The following CDH9 variants were observed in gnomAD, a reference collection of about 807,000 sequenced individuals.
The protein encoded by CDH9 is cadherin 9.
CDH9 carries 28 observed loss-of-function variants against 70.9 expected under a neutral mutation model. The observed-to-expected ratio is 0.40, with a 90% CI of 0.29 to 0.54. CDH9 has a LOEUF of 0.54. Ranked by LOEUF, CDH9 falls within the 20% of genes least tolerant of loss-of-function variation. The probability of loss-of-function intolerance (pLI) is 0.59; values close to 1 mark genes in which losing one functional copy is unlikely to be tolerated. For missense variants in CDH9, 874 were observed against 984.4 expected (o/e 0.89, Z 1.50); for synonymous variants, 409 against 343.1 (o/e 1.19, Z -2.12).
chr5:26,956,849 T>A (rs1741954879), intron 2 of CDH9, among the ~76,000 whole-genome samples: 2 of 152,152 alleles, frequency 1.3e-5, no homozygotes, highest in Admixed American at 6.5e-5. Context: ...CTTTTCTCCA[T>A]AAAATCATCA....
chr5:26,910,267 CATTA>C (rs1741028816), intron 3 of CDH9, among the ~76,000 whole-genome samples: 1 of 150,828 alleles, frequency 6.6e-6, no homozygotes, highest in African/African-American at 2.4e-5. Context: ...ATCTATCTGG[CATTA>C]ATTATCTCTC....
At chr5:26,907,181 A>T (rs1740963799) in intron 3 of CDH9, among the ~76,000 whole-genome samples, 1 of 152,144 alleles carries the variant, frequency 6.6e-6, no homozygotes, top group Admixed American at 6.5e-5. Flanking sequence ...TTTGTAATTA[A>T]TACATTTACC....
intron 7 of CDH9, among the ~76,000 whole-genome samples, chr5:26,891,898 GAA>G (rs1272863895): frequency 6.6e-6 from 1 of 152,078 alleles, no homozygotes; most frequent in African/African-American, 2.4e-5. Context: ...ATCCAGCAAG[GAA>G]ACAGGGGCCT....
At chr5:27,017,382 A>C (rs760942843) in intron 1 of CDH9, among the ~76,000 whole-genome samples, 4 of 151,964 alleles carry the variant, frequency 2.6e-5, no homozygotes, top group Non-Finnish European at 5.9e-5. Context: ...TTTTTAAAAA[A>C]ATGTTCAAAG....
intron 5 of CDH9, among the ~76,000 whole-genome samples, chr5:26,905,480 G>A (rs1464024424): frequency 6.6e-6 from 1 of 152,070 alleles, no homozygotes; most frequent in African/African-American, 2.4e-5. Flanking sequence ...CTATCAAGAA[G>A]TCTGTGTTTC....
Position 26,889,932 on chromosome 5 carries a change from G to T in CDH9, c.1416C>A (p.Ile472=), listed in dbSNP as rs1740627203. Reference sequence around the variant, plus strand: ...TATCTAGAATTCTGATGAAGACAGGGATGTGGCTACTTTGTTTTGGGTTAT... The same window carrying T: ...TATCTAGAATTCTGATGAAGACAGGTATGTGGCTACTTTGTTTTGGGTTAT... The part of the protein sequence containing the change: ...EINNPKQSSH[I]PVFIRILDIN... The change falls in exon 9 of 12, where the codon ATC becomes ATA. Residue 472 remains isoleucine, a synonymous_variant. Transcript: ENST00000231021. 6.2e-7 allele frequency: 1 copy of T among 1,607,844 alleles called. No individual in the cohort carries two copies. The highest frequency in any genetic ancestry group is 2.2e-5 in the East Asian group (1 of 44,598).
chr5:26,977,306 G>A (rs1742317262), intron 2 of CDH9, among the ~76,000 whole-genome samples: 1 of 151,808 alleles, frequency 6.6e-6, no homozygotes, highest in East Asian at 1.9e-4. Flanking sequence ...TTCTAAAGGA[G>A]GACTACAGTT....
intron 2 of CDH9, among the ~76,000 whole-genome samples, chr5:26,920,728 C>A (rs1361377115): frequency 1.3e-5 from 2 of 152,124 alleles, no homozygotes; most frequent in Non-Finnish European, 2.9e-5. Context: ...TCTCCCAGAT[C>A]TCACTCAAGA....
chr5:26,963,509 T>C (rs1265689569), intron 2 of CDH9, among the ~76,000 whole-genome samples: 5 of 152,144 alleles, frequency 3.3e-5, no homozygotes, highest in Admixed American at 6.6e-5. Context: ...TTATAACTTA[T>C]TGAAAAGTTG....
chr5:27,020,289 T>C (rs1196283638), intron 1 of CDH9, among the ~76,000 whole-genome samples: 2 of 151,666 alleles, frequency 1.3e-5, no homozygotes, highest in Non-Finnish European at 1.5e-5. Context: ...AGCTTAAAAA[T>C]AAAAATGAAA....
chr5:27,031,016 A>C (rs1403317992), intron 1 of CDH9, among the ~76,000 whole-genome samples: 1 of 151,792 alleles, frequency 6.6e-6, no homozygotes, highest in Non-Finnish European at 1.5e-5. Flanking sequence ...TTGGTTACAA[A>C]TCTACTTTTT....
intron 1 of CDH9, among the ~76,000 whole-genome samples, chr5:27,004,965 T>TA (rs1742834749): frequency 6.6e-6 from 1 of 152,038 alleles, no homozygotes. Context: ...TCAGTATCAA[T>TA]GGAGAGCAAC....
chr5:26,898,353 C>A (rs930583188), intron 7 of CDH9, among the ~76,000 whole-genome samples: 3 of 152,036 alleles, frequency 2.0e-5, no homozygotes, highest in African/African-American at 2.4e-5. Flanking sequence ...CAAAAAAGAG[C>A]CCTTATAGCA....
At chr5:26,981,888 T>C (rs951751976) in intron 2 of CDH9, among the ~76,000 whole-genome samples, 2 of 152,104 alleles carry the variant, frequency 1.3e-5, no homozygotes, top group African/African-American at 4.8e-5. Context: ...TAAAATGATT[T>C]TTAAATTTTA....
In CDH9 at chr5:26,883,090, TATATAA is replaced by T. The variant is rs1347427200; in HGVS notation, c.1883-1473_1883-1468del. Among the ~76,000 whole-genome samples, 225 of 116,128 alleles carry T rather than the reference TATATAA, an allele frequency of 1.9e-3. 10 individuals carry two copies. The highest frequency in any genetic ancestry group is 7.2e-3 in the African/African-American group (212 of 29,246). 76.2% of individuals were successfully genotyped at this position (116,128 alleles called of 152,430 possible). The stretch of plus-strand genomic sequence containing the variant: ...ATATATATATATATATATATATATA[TATATAA>T]AACTGCAGTAAAAATGAGACCTCTG... On this transcript the variant is annotated intron_variant, in intron 11 of 11. Coordinates refer to ENST00000231021, the MANE Select transcript of CDH9 (RefSeq NM_016279.4).
At chr5:26,931,456 G>A (rs1741460598) in intron 2 of CDH9, among the ~76,000 whole-genome samples, 1 of 152,104 alleles carries the variant, frequency 6.6e-6, no homozygotes. Flanking sequence ...AGAAAGAGGT[G>A]AAAGTTTTGA....
intron 1 of CDH9, among the ~76,000 whole-genome samples, chr5:26,993,728 A>G (rs1014449438): frequency 6.8e-6 from 1 of 147,174 alleles, no homozygotes; most frequent in Non-Finnish European, 1.5e-5. Context: ...AAAAAGAACT[A>G]TTATTCAAGA....
At chr5:26,930,774 A>G (rs765858115) in intron 2 of CDH9, among the ~76,000 whole-genome samples, 1 of 152,116 alleles carries the variant, frequency 6.6e-6, no homozygotes, top group Non-Finnish European at 1.5e-5. Flanking sequence ...TCCAATTTTA[A>G]TTAGGAAAAC....
At chr5:26,981,119 C>T (rs1205236580) in intron 2 of CDH9, among the ~76,000 whole-genome samples, 1 of 151,982 alleles carries the variant, frequency 6.6e-6, no homozygotes, top group Non-Finnish European at 1.5e-5. Flanking sequence ...GTACCCAGAA[C>T]TTTAAAATTA....
Sources: gnomAD v4.1 joint callset for allele counts (sites outside exome capture counted in the v4.1 genomes callset) on GRCh38, gnomAD v4.1.1 for gene constraint, MANE v1.5 for transcripts, NCBI Gene and HGNC (gene_info 2026-07-23, HGNC 2026-07-21) for gene names.